Variants in ZDHHC11 observed in about 807,000 individuals in gnomAD.
ZDHHC11 encodes zDHHC palmitoyltransferase 11, also known as palmitoyltransferase ZDHHC11.
A neutral mutation model predicts 51.3 loss-of-function variants in ZDHHC11; 44 were observed. That is an observed-to-expected ratio of 0.86 (90% CI 0.67 to 1.10). ZDHHC11 has a LOEUF of 1.10. Among genes scored for constraint, ZDHHC11 ranks in the 50% least tolerant of loss-of-function variants. The probability of loss-of-function intolerance (pLI) is 0.00; values close to 1 mark genes in which losing one functional copy is unlikely to be tolerated. For missense variants in ZDHHC11, 400 were observed against 537.7 expected (o/e 0.74, Z 2.53); for synonymous variants, 163 against 222.0 (o/e 0.73, Z 2.36).
At chr5:855,060 G>GTC (rs1747967805), upstream of ZDHHC11, among the ~76,000 whole-genome samples, 1 of 130,588 alleles carries the variant, frequency 7.7e-6, no homozygotes, top group Non-Finnish European at 1.6e-5. Flanking sequence ...AAGCCAGGGG[G>GTC]ACAGACCCCA....
At chr5:838,186 G>A (rs957538405) in intron 5 of ZDHHC11, among the ~76,000 whole-genome samples, 7 of 151,970 alleles carry the variant, frequency 4.6e-5, no homozygotes, top group Admixed American at 3.9e-4. Context: ...TCAGCAGGCT[G>A]GCCAGAGCCC....
intron 10 of ZDHHC11, 74 bp downstream of exon 10, chr5:819,451 G>A: frequency 1.3e-6 from 2 of 1,511,598 alleles, no homozygotes; most frequent in Non-Finnish European, 9.2e-7. Context: ...CTTAACCTCA[G>A]CTTGGGGGAC....
chr5:841,164 C>T (rs566711584), intron 4 of ZDHHC11: 2,115 of 1,030,366 alleles, frequency 2.1e-3, no homozygotes, highest in Non-Finnish European at 2.4e-3. Flanking sequence ...GTGCCCACCC[C>T]TTCCTAAGTG....
chr5:819,876 C>T (rs1326124019), intron 9 of ZDHHC11, among the ~76,000 whole-genome samples: 2 of 151,288 alleles, frequency 1.3e-5, no homozygotes, highest in Non-Finnish European at 3.0e-5. Context: ...AGTCTGCGAG[C>T]CCCACCCTAG....
chr5:815,322 G>T (rs899500138), intron 10 of ZDHHC11, among the ~76,000 whole-genome samples: 9 of 150,184 alleles, frequency 6.0e-5, no homozygotes, highest in African/African-American at 2.2e-4. Flanking sequence ...CCCATGTGTG[G>T]TTCCTGCTTG....
chr5:829,572 G>A lies in ZDHHC11; in HGVS notation c.935+4201C>T, dbSNP rs556415351. On this transcript the variant is annotated intron_variant, in intron 7 of 12. Coordinates refer to ENST00000283441, the MANE Select transcript of ZDHHC11 (RefSeq NM_024786.3). ...TGAATTCTATCAGGCATCCAAAGAAGGACTGGTACCAATCTTATGGAAACT... is the reference window on the plus strand; with the variant it reads ...TGAATTCTATCAGGCATCCAAAGAAAGACTGGTACCAATCTTATGGAAACT... Among the ~76,000 whole-genome samples, 193 of 151,454 alleles carry A rather than the reference G, an allele frequency of 1.3e-3. 4 individuals carry two copies. Among genetic ancestry groups the A allele is most frequent in the African/African-American group, 4.6e-3 (188 of 41,126 alleles).
At chr5:807,795 G>A (rs542445926) in intron 11 of ZDHHC11, among the ~76,000 whole-genome samples, 45 of 151,834 alleles carry the variant, frequency 3.0e-4, no homozygotes, top group South Asian at 4.2e-4. Context: ...GCCCAGAAAC[G>A]AGGTCTGTCT....
At chr5:844,666 G>A (rs1745826243) in intron 3 of ZDHHC11, among the ~76,000 whole-genome samples, 1 of 152,312 alleles carries the variant, frequency 6.6e-6, no homozygotes, top group Non-Finnish European at 1.5e-5. Context: ...CAGGCTCAGG[G>A]ACCTGGATCT....
chr5:836,405 T>G (rs1404425227), intron 6 of ZDHHC11, among the ~76,000 whole-genome samples: 1 of 150,370 alleles, frequency 6.7e-6, no homozygotes, highest in Non-Finnish European at 1.5e-5. Context: ...GCTGCTCGAT[T>G]TGGTTTCCCA....
At chr5:852,258 AGAG>A (rs1197521765), upstream of ZDHHC11, among the ~76,000 whole-genome samples, 12 of 152,258 alleles carry the variant, frequency 7.9e-5, no homozygotes, top group African/African-American at 2.4e-4. Context: ...CAGATCTTAG[AGAG>A]GAGAAGAGGG....
At chr5:836,882 C>T (rs1743931396) in intron 6 of ZDHHC11, among the ~76,000 whole-genome samples, 1 of 149,596 alleles carries the variant, frequency 6.7e-6, no homozygotes, top group Non-Finnish European at 1.5e-5. Context: ...CGTGTTAAAA[C>T]CACATCTCTA....
intron 1 of ZDHHC11, among the ~76,000 whole-genome samples, 154 bp from the exon 2 acceptor site, chr5:848,814 G>A (rs1332990811): frequency 6.6e-6 from 1 of 151,034 alleles, no homozygotes; most frequent in Non-Finnish European, 1.5e-5. Flanking sequence ...GCCTGGCCCT[G>A]CTCACACAGC....
chr5:825,308 G>A (rs1328268749), intron 7 of ZDHHC11, 57 bp from the exon 8 acceptor site: 4 of 1,569,226 alleles, frequency 2.5e-6, no homozygotes, highest in African/African-American at 1.3e-5. Flanking sequence ...GGGACTCAGG[G>A]TGGCACTGGA....
chr5:815,422 G>A (rs1325653019), intron 10 of ZDHHC11, among the ~76,000 whole-genome samples: 1 of 151,428 alleles, frequency 6.6e-6, no homozygotes. Context: ...TGGGAGTGCT[G>A]GCTCATATGA....
chr5:807,159 A>T (rs1248688135), intron 11 of ZDHHC11, among the ~76,000 whole-genome samples: 21 of 150,946 alleles, frequency 1.4e-4, no homozygotes, highest in African/African-American at 4.9e-4. Context: ...TACAGCGACA[A>T]GCAGTATGGA....
intron 1 of ZDHHC11, among the ~76,000 whole-genome samples, chr5:850,124 A>C (rs1463231736): frequency 6.6e-6 from 1 of 152,220 alleles, no homozygotes; most frequent in Non-Finnish European, 1.5e-5. Flanking sequence ...GCGCCACGCC[A>C]GGGGGCTGCT....
intron 7 of ZDHHC11, 125 bp from the exon 8 acceptor site, chr5:825,376 G>T (rs1742201940): frequency 2.1e-6 from 2 of 968,122 alleles, no homozygotes; most frequent in African/African-American, 1.5e-5. Context: ...TCAGAAACTT[G>T]TAGACCAGCA....
intron 11 of ZDHHC11, among the ~76,000 whole-genome samples, chr5:813,469 G>A (rs1740356802): frequency 7.0e-6 from 1 of 143,864 alleles, no homozygotes; most frequent in African/African-American, 2.7e-5. Flanking sequence ...GGGGTCCCAG[G>A]TGCCTCTAGA....
intron 7 of ZDHHC11, among the ~76,000 whole-genome samples, chr5:827,745 A>C (rs956692437): frequency 2.1e-5 from 3 of 144,668 alleles, no homozygotes; most frequent in Non-Finnish European, 4.6e-5. Context: ...TTTATTCTTT[A>C]TTTTTTTTTT....
Sources: gnomAD v4.1 joint callset for allele counts (sites outside exome capture counted in the v4.1 genomes callset) on GRCh38, gnomAD v4.1.1 for gene constraint, MANE v1.5 for transcripts, NCBI Gene and HGNC (gene_info 2026-07-23, HGNC 2026-07-21) for gene names.